ARHGEF17: variants seen among roughly 807,000 people sequenced by gnomAD.
ARHGEF17 encodes the protein 164 kDa Rho-specific guanine-nucleotide exchange factor.
ARHGEF17 carries 80 observed loss-of-function variants against 174.0 expected under a neutral mutation model. The ratio of observed to expected loss-of-function variants is 0.46; its 90% CI spans 0.38 to 0.55. The LOEUF (loss-of-function observed/expected upper bound fraction) is 0.55. ARHGEF17 is among the 20% of genes least tolerant of loss of function. ARHGEF17 has a pLI of 0.00. For synonymous variants in ARHGEF17, 1,311 were observed against 1,189.1 expected (o/e 1.10, Z -2.11); for missense variants, 2,886 against 2,839.7 (o/e 1.02, Z -0.37).
chr11:73,325,548 A>ACT (rs1475216195), intron 1 of ARHGEF17, among the ~76,000 whole-genome samples: 2 of 152,280 alleles, frequency 1.3e-5, no homozygotes, highest in African/African-American at 4.8e-5. Context: ...TTGTACACAC[A>ACT]CACTCTCTCT....
intron 3 of ARHGEF17, among the ~76,000 whole-genome samples, chr11:73,353,458 T>C (rs761737842): frequency 2.6e-5 from 4 of 152,250 alleles, no homozygotes; most frequent in African/African-American, 7.2e-5. Flanking sequence ...TCTTGACTTT[T>C]TCTCCATCAG....
In ARHGEF17 at chr11:73,362,486, G is replaced by T; in HGVS notation, c.4748G>T (p.Gly1583Val). ...CCAGAGACGGCACCGGAGCCCGCCG[G>T]GCCGGAGCTGGACGTCGAGGCCGCT... ...SPPETAPEPA[G>V]PELDVEAAAD... The change falls in exon 14 of 21, where the codon GGG becomes GTG. Residue 1583 changes from glycine to valine, a missense_variant. By Grantham distance (109) the Gly-to-Val change is moderately radical (BLOSUM62 -3). Transcript: ENST00000263674. 6.3e-7 allele frequency: 1 copy of T among 1,598,244 alleles called. No homozygotes were observed.
intron 1 of ARHGEF17, among the ~76,000 whole-genome samples, chr11:73,345,776 G>A (rs1865450627): frequency 1.3e-5 from 2 of 152,208 alleles, no homozygotes; most frequent in South Asian, 4.1e-4. Context: ...GGGAGGGGAG[G>A]GGAGAGAGGA....
At chr11:73,343,010 A>G (rs1372406376) in intron 1 of ARHGEF17, 1 of 247,470 alleles carries the variant, frequency 4.0e-6, no homozygotes. Context: ...CGCGACCGCC[A>G]CTGCGGCTGC....
rs976370201 is a variant in ARHGEF17, at chr11:73,310,325, G to T, written c.1687G>T (p.Ala563Ser). ...PMARRLPRTS[A>S]LKSSSSELLL... is the part of the protein sequence containing the mutation. ...GGCCCGCCGCCTGCCCCGCACCAGT[G>T]CTCTGAAGTCCAGCTCCTCCGAGCT... Residue 563 changes from alanine (A) to serine (S), a missense_variant, in exon 1 of 21, where the codon GCT becomes TCT. Physicochemically the swap from Ala to Ser is moderately conservative, Grantham distance 99 (BLOSUM62 1). Around this residue, in one of 4 missense-constraint regions of ARHGEF17, gnomAD observed 1,728 missense variants for 1,461.2 expected, o/e 1.18. Coordinates refer to ENST00000263674, the MANE Select transcript of ARHGEF17 (RefSeq NM_014786.4). 3 of 1,613,822 alleles carry T rather than the reference G, an allele frequency of 1.9e-6. No individual in the cohort carries two copies. The highest frequency in any genetic ancestry group is 1.6e-4 in the Middle Eastern group (1 of 6,062).
At chr11:73,363,116 G>C (rs1865775372) in intron 14 of ARHGEF17, 90 bp from the exon 15 acceptor site, 2 of 1,436,072 alleles carry the variant, frequency 1.4e-6, no homozygotes, top group Non-Finnish European at 1.8e-6. Context: ...TTCCGGAGGG[G>C]CATGGCCAGG....
chr11:73,311,996 A>G (rs1460050819), intron 1 of ARHGEF17, among the ~76,000 whole-genome samples, 166 bp downstream of exon 1: 1 of 152,212 alleles, frequency 6.6e-6, no homozygotes, highest in African/African-American at 2.4e-5. Flanking sequence ...TTAATGACAC[A>G]GGGCTCCTGT....
In ARHGEF17 at chr11:73,310,178, G is replaced by T. The variant is rs763950205; in HGVS notation, c.1540G>T (p.Val514Leu). The T allele has an allele frequency of 1.9e-6, 3 of 1,613,964 alleles. No homozygotes were observed. Among genetic ancestry groups the T allele is most frequent in the Non-Finnish European group, 2.5e-6 (3 of 1,180,006 alleles). Residue 514 changes from valine (V) to leucine (L), a missense_variant, in exon 1 of 21, where the codon GTG (valine) becomes TTG (leucine). Transcript: ENST00000263674. ...GRDSPSAGGP[V>L]GQLEPIPIPA... The stretch of plus-strand genomic sequence containing the variant: ...AGACTCACCATCCGCAGGTGGCCCT[G>T]TGGGGCAACTTGAACCCATACCCAT...
intron 9 of ARHGEF17, 80 bp downstream of exon 9, chr11:73,357,407 C>A: frequency 7.6e-7 from 1 of 1,320,696 alleles, no homozygotes; most frequent in Non-Finnish European, 1.0e-6. Context: ...TCCAGCCAGT[C>A]TGGCTGCCTG....
Position 73,320,362 on chromosome 11 carries a change from G to A in ARHGEF17, c.3192+8532G>A, listed in dbSNP as rs371102974. 1.4e-3 allele frequency among the ~76,000 whole-genome samples: 220 copies of A among 152,024 alleles called. 1 individual carries two copies. Among genetic ancestry groups the A allele is most frequent in the African/African-American group, 5.1e-3 (211 of 41,470 alleles). On this transcript the variant is annotated intron_variant, in intron 1 of 20. Coordinates refer to ENST00000263674, the MANE Select transcript of ARHGEF17 (RefSeq NM_014786.4). ...AGATTATTTTGTTTTTCGGCCGGGC[G>A]CTGTGTCTCATGCCTGTAATCCCAG...
Position 73,363,252 on chromosome 11 carries a change from C to T in ARHGEF17, c.5043C>T (p.Ser1681=). Residue 1681 remains serine (S), a synonymous_variant, in exon 15 of 21, where the codon AGC becomes AGT. Transcript: ENST00000263674. ...AGGAGGCCACGGCAGAGACCACCAG[C>T]TCAGAGGAGGAGCAGGAGCCAGGCT... is the stretch of plus-strand genomic sequence containing the variant. The part of the protein sequence containing the change: ...SSKEATAETT[S]SEEEQEPGFL... 3 of 1,607,104 alleles carry T rather than the reference C, an allele frequency of 1.9e-6. No individual in the cohort carries two copies. The highest frequency in any genetic ancestry group is 2.6e-6 in the Non-Finnish European group (3 of 1,175,830).
Position 73,332,879 on chromosome 11 carries a change from G to A in ARHGEF17, c.3193-14004G>A, listed in dbSNP as rs952157808. Among the ~76,000 whole-genome samples, 14 of 152,214 alleles carry A rather than the reference G, an allele frequency of 9.2e-5. No individual in the cohort carries two copies. In the East Asian group the frequency reaches 2.1e-3, roughly 23 times the overall value. On this transcript the variant is annotated intron_variant, in intron 1 of 20. Transcript: ENST00000263674. ...ATAATACCTGCAGAGCGCTTAGTAA[G>A]CAGCGCAGAGGAATCCCTCAGGAGA...
chr11:73,344,304 C>T (rs141430737), intron 1 of ARHGEF17, among the ~76,000 whole-genome samples: 4 of 152,368 alleles, frequency 2.6e-5, no homozygotes, highest in Non-Finnish European at 4.4e-5. Flanking sequence ...GAGGGCTGCT[C>T]GCGCAGTGAC....
chr11:73,352,292 C>G (rs1865567338), intron 2 of ARHGEF17, among the ~76,000 whole-genome samples: 2 of 152,196 alleles, frequency 1.3e-5, no homozygotes, highest in African/African-American at 2.4e-5. Context: ...CCACCGCACT[C>G]CAGCCTGGGT....
Position 73,309,284 on chromosome 11 carries a change from T to A in ARHGEF17, c.646T>A (p.Ser216Thr), listed in dbSNP as rs1207103124. Residue 216 changes from serine to threonine, a missense_variant, in exon 1 of 21, where the codon TCT becomes ACT. Around this residue, in one of 4 missense-constraint regions of ARHGEF17, gnomAD observed 1,728 missense variants for 1,461.2 expected, o/e 1.18. Transcript: ENST00000263674. ...GCAGCGTCCAGCGGATGGTTTACAT[T>A]CTTGGCATATCTTCTCCCAACCGCA... ...RAQRPADGLH[S>T]WHIFSQPQAG... The A allele has an allele frequency of 6.2e-7, 1 of 1,612,050 alleles. No individual in the cohort carries two copies. The highest frequency in any genetic ancestry group is 2.2e-5 in the East Asian group (1 of 44,766).
chr11:73,348,735 G>A (rs937824938), intron 2 of ARHGEF17, among the ~76,000 whole-genome samples: 3 of 152,148 alleles, frequency 2.0e-5, no homozygotes, highest in African/African-American at 7.2e-5. Context: ...TAATACCATT[G>A]AACTGTACAT....
intron 1 of ARHGEF17, among the ~76,000 whole-genome samples, chr11:73,328,758 G>A (rs1005515576): frequency 2.6e-5 from 4 of 152,180 alleles, no homozygotes; most frequent in African/African-American, 9.7e-5. Flanking sequence ...TGGGAACCTC[G>A]TCCTCTGTAT....
intron 1 of ARHGEF17, among the ~76,000 whole-genome samples, chr11:73,330,075 G>T (rs1247699828): frequency 6.6e-6 from 1 of 152,188 alleles, no homozygotes; most frequent in Non-Finnish European, 1.5e-5. Context: ...CCGTTTCTGT[G>T]AATGCTTCAT....
At chr11:73,338,722 A>G (rs998996558) in intron 1 of ARHGEF17, among the ~76,000 whole-genome samples, 7 of 151,894 alleles carry the variant, frequency 4.6e-5, no homozygotes, top group African/African-American at 1.7e-4. Flanking sequence ...GCACCAGGCC[A>G]GGGGAGGTGG....
Sources: gnomAD v4.1 joint callset for allele counts (sites outside exome capture counted in the v4.1 genomes callset) on GRCh38, gnomAD v4.1.1 for gene constraint, gnomAD v4.1.1 regional missense constraint, MANE v1.5 for transcripts, NCBI Gene and HGNC (gene_info 2026-07-23, HGNC 2026-07-21) for gene names.